GRAMD1B: variants seen among roughly 807,000 people sequenced by gnomAD.
GRAMD1B encodes protein Aster-B.
Under a neutral mutation model 99.7 loss-of-function variants are expected in GRAMD1B, and 37 were observed. The observed-to-expected ratio is 0.37, with a 90% CI of 0.29 to 0.49. GRAMD1B has a LOEUF of 0.49. GRAMD1B is among the 20% of genes least tolerant of loss of function. The pLI is 0.98. For missense variants in GRAMD1B, 888 were observed against 1,009.2 expected (o/e 0.88, Z 1.63); for synonymous variants, 427 against 387.6 (o/e 1.10, Z -1.19).
chr11:123,600,049 T>C (rs1479313639), intron 7 of GRAMD1B, among the ~76,000 whole-genome samples: 2 of 152,246 alleles, frequency 1.3e-5, no homozygotes, highest in Non-Finnish European at 2.9e-5. Flanking sequence ...GCCTAATACA[T>C]ACTAATACTC....
chr11:123,593,843 T>A (rs1950949723), intron 4 of GRAMD1B, among the ~76,000 whole-genome samples: 1 of 152,128 alleles, frequency 6.6e-6, no homozygotes, highest in Middle Eastern at 3.2e-3. Context: ...CCTTGCTGTG[T>A]CTGGCATTTC....
chr11:123,593,729 T>C (rs1950937578), intron 4 of GRAMD1B, among the ~76,000 whole-genome samples: 2 of 152,088 alleles, frequency 1.3e-5, no homozygotes, highest in African/African-American at 4.8e-5. Flanking sequence ...GTCAAGGTGG[T>C]GCTGGCAGAA....
At chr11:123,368,814 G>A (rs35475086) in intron 1 of GRAMD1B, among the ~76,000 whole-genome samples, 3,082 of 152,094 alleles carry the variant, frequency 0.02, 38 homozygotes, top group Non-Finnish European at 0.029. Context: ...CATTATCTTG[G>A]CAAAAATAGT....
Position 123,493,046 on chromosome 11 carries a change from T to C in GRAMD1B, c.452+12153T>C, listed in dbSNP as rs192902796. The stretch of plus-strand genomic sequence containing the variant: ...ATTCAGCGCTGTGCCTTGCACACAG[T>C]AGGTTCTCAACAGATAATGGTAGAA... On this transcript the variant is annotated intron_variant, in intron 2 of 19. Transcript: ENST00000635736. Among the ~76,000 whole-genome samples, 24 of 152,294 alleles carry C rather than the reference T, an allele frequency of 1.6e-4. No homozygotes were observed. In the East Asian group the frequency reaches 4.6e-3, roughly 29 times the overall value.
At chr11:123,560,118 T>A (rs1946565458) in intron 2 of GRAMD1B, 1 of 792,380 alleles carries the variant, frequency 1.3e-6, no homozygotes, top group Admixed American at 6.1e-5. Flanking sequence ...CATGAATAAT[T>A]GAGCGCCGGC....
At position 123,624,215 on chromosome 11, in the gene GRAMD1B, A is replaced by G. The variant is rs1208694907; in HGVS notation, c.*1620A>G. 6.6e-6 allele frequency: 1 copy of G among 152,186 alleles called. No individual in the cohort carries two copies. The highest frequency in any genetic ancestry group is 1.5e-5 in the Non-Finnish European group (1 of 68,022). The allele number at this position is 152,186 out of a possible 1,614,324, so 9.4% of individuals were successfully genotyped here. Reference sequence around the variant, plus strand: ...GACACAGGGGCAGAAGAAACCCCAGATGTCCCAGATGTCCCAGAACATCAG... The same window carrying G: ...GACACAGGGGCAGAAGAAACCCCAGGTGTCCCAGATGTCCCAGAACATCAG... On this transcript the variant is annotated 3_prime_UTR_variant, in exon 20 of 20. Coordinates refer to ENST00000635736, the MANE Select transcript of GRAMD1B (RefSeq NM_001387025.1).
intron 2 of GRAMD1B, among the ~76,000 whole-genome samples, chr11:123,495,128 CACACACACACAG>C (rs1265247275): frequency 6.6e-6 from 1 of 151,600 alleles, no homozygotes; most frequent in African/African-American, 2.4e-5. Flanking sequence ...CACACACACA[CACACACACACAG>C]ACACACATAC....
At chr11:123,444,398 G>A (rs1348618982) in intron 1 of GRAMD1B, among the ~76,000 whole-genome samples, 3 of 152,058 alleles carry the variant, frequency 2.0e-5, no homozygotes, top group Non-Finnish European at 4.4e-5. Flanking sequence ...TGGCTGAGGT[G>A]GGAGGATCAC....
intron 2 of GRAMD1B, among the ~76,000 whole-genome samples, chr11:123,572,616 T>G (rs906670791): frequency 6.6e-6 from 1 of 152,088 alleles, no homozygotes; most frequent in Non-Finnish European, 1.5e-5. Context: ...GGTGGGGACA[T>G]GTAAGGGGTA....
chr11:123,394,098 T>C (rs943462845), intron 1 of GRAMD1B, among the ~76,000 whole-genome samples: 2 of 152,198 alleles, frequency 1.3e-5, no homozygotes, highest in African/African-American at 4.8e-5. Context: ...TAATTTATTA[T>C]CCAAACCAGA....
chr11:123,420,615 G>C (rs1023872852), intron 1 of GRAMD1B, among the ~76,000 whole-genome samples: 18 of 152,288 alleles, frequency 1.2e-4, no homozygotes, highest in African/African-American at 4.1e-4. Context: ...AAGGGTATTG[G>C]TTTGCTGAAT....
intron 1 of GRAMD1B, among the ~76,000 whole-genome samples, chr11:123,433,687 T>C (rs930440521): frequency 2.0e-5 from 3 of 148,998 alleles, no homozygotes; most frequent in African/African-American, 7.4e-5. Flanking sequence ...TGCGTGTGTG[T>C]GTGTGTGTGT....
intron 2 of GRAMD1B, among the ~76,000 whole-genome samples, chr11:123,511,653 A>G (rs538683108): frequency 6.6e-6 from 1 of 152,242 alleles, no homozygotes; most frequent in South Asian, 2.1e-4. Context: ...TTTTGGCCAG[A>G]TGGCAGGGTC....
intron 2 of GRAMD1B, among the ~76,000 whole-genome samples, chr11:123,520,608 A>C (rs544896682): frequency 6.6e-6 from 1 of 151,744 alleles, no homozygotes; most frequent in South Asian, 2.1e-4. Context: ...CCATCTCTAC[A>C]AAAAATAAAA....
At chr11:123,501,809 C>T (rs1040536437) in intron 2 of GRAMD1B, among the ~76,000 whole-genome samples, 3 of 152,200 alleles carry the variant, frequency 2.0e-5, no homozygotes, top group African/African-American at 7.2e-5. Context: ...TTGTGTCTTA[C>T]TGATTTTGAG....
Position 123,587,257 on chromosome 11 carries a change from T to C in GRAMD1B, c.684+2925T>C, listed in dbSNP as rs2136406923. On this transcript the variant is annotated intron_variant, in intron 4 of 19. Transcript: ENST00000635736. This position sits in a 1 kb window ranked among gnomAD's most constrained non-coding sequence, Gnocchi z 4.2. ...ACCCCAGGGACACAGGGAGAGGCCATAGCAGGAGAGTGTCAGGTCCAGAGT... is the reference window on the plus strand; with the variant it reads ...ACCCCAGGGACACAGGGAGAGGCCACAGCAGGAGAGTGTCAGGTCCAGAGT... 6.6e-6 allele frequency among the ~76,000 whole-genome samples: 1 copy of C among 152,268 alleles called. No homozygotes were observed. The highest frequency in any genetic ancestry group is 2.1e-4 in the South Asian group (1 of 4,810).
intron 1 of GRAMD1B, among the ~76,000 whole-genome samples, chr11:123,362,915 G>A (rs1280795948): frequency 2.6e-5 from 4 of 152,060 alleles, no homozygotes; most frequent in Non-Finnish European, 4.4e-5. Context: ...TCCCTGGGAA[G>A]GAGAGAAAGA....
At chr11:123,497,673 C>A (rs1939437032) in intron 2 of GRAMD1B, among the ~76,000 whole-genome samples, 1 of 152,238 alleles carries the variant, frequency 6.6e-6, no homozygotes, top group East Asian at 1.9e-4. Context: ...GAGGCTGAGG[C>A]AGGCGGATCA....
chr11:123,521,423 C>A (rs1375527215), intron 2 of GRAMD1B, among the ~76,000 whole-genome samples: 1 of 152,096 alleles, frequency 6.6e-6, no homozygotes, highest in Non-Finnish European at 1.5e-5. Flanking sequence ...TTAATAAATT[C>A]TGTGAACAAT....
Sources: gnomAD v4.1 joint callset for allele counts (sites outside exome capture counted in the v4.1 genomes callset) on GRCh38, gnomAD v4.1.1 for gene constraint, Gnocchi (gnomAD v3.1) non-coding constraint, MANE v1.5 for transcripts, NCBI Gene and HGNC (gene_info 2026-07-23, HGNC 2026-07-21) for gene names.